DNAH12: variants seen among roughly 807,000 people sequenced by gnomAD.
DNAH12 encodes dynein axonemal heavy chain 12, also known as axonemal beta dynein heavy chain 12.
A neutral mutation model predicts 371.5 loss-of-function variants in DNAH12; 285 were observed. That is an observed-to-expected ratio of 0.77 (90% CI 0.70 to 0.85). The LOEUF (loss-of-function observed/expected upper bound fraction) is 0.85. Ranked by LOEUF, DNAH12 falls within the 40% of genes least tolerant of loss-of-function variation. The pLI is 0.00. For synonymous variants in DNAH12, 1,200 were observed against 1,213.0 expected (o/e 0.99, Z 0.22); for missense variants, 3,611 against 3,689.4 (o/e 0.98, Z 0.55).
chr3:57,463,958 A>C (rs1307295869), intron 17 of DNAH12, among the ~76,000 whole-genome samples: 1 of 150,660 alleles, frequency 6.6e-6, no homozygotes, highest in Non-Finnish European at 1.5e-5. Context: ...AAGTGAAAAA[A>C]CTCCAAGCAG....
Position 57,361,411 on chromosome 3 carries a change from TACACACACACTATATATATATAC to T in DNAH12, c.9360+2160_9360+2182del, listed in dbSNP as rs1242492608. Among the ~76,000 whole-genome samples, 26 of 139,978 alleles carry T rather than the reference TACACACACACTATATATATATAC, an allele frequency of 1.9e-4. No individual in the cohort carries two copies. The South Asian group carries it at 4.0e-3, about 21-fold the overall frequency. The allele number at this position is 139,978 out of a possible 152,430, so 91.8% of individuals were successfully genotyped here. Reference sequence around the variant, plus strand: ...TATATACATACGCACTATATATATATACACACACACTATATATATATACACACACACACTATATATATATATAT... The same window carrying T: ...TATATACATACGCACTATATATATATACACACACACTATATATATATATAT... On this transcript the variant is annotated intron_variant, in intron 58 of 73. Coordinates refer to ENST00000495027, the MANE Select transcript of DNAH12 (RefSeq NM_001366028.2).
intron 58 of DNAH12, among the ~76,000 whole-genome samples, chr3:57,363,282 CAAT>C (rs36167668): frequency 0.01 from 1,577 of 152,084 alleles, 16 homozygotes; most frequent in African/African-American, 0.036. Flanking sequence ...CTTACCTATC[CAAT>C]AATAATACCT....
intron 19 of DNAH12, 122 bp from the exon 20 acceptor site, chr3:57,459,908 AG>A (rs2066007697): frequency 1.1e-6 from 1 of 884,696 alleles, no homozygotes. Context: ...TCACAGCTTA[AG>A]GTTACTTATG....
At chr3:57,388,785 T>C (rs912855369) in intron 45 of DNAH12, among the ~76,000 whole-genome samples, 2 of 152,004 alleles carry the variant, frequency 1.3e-5, no homozygotes, top group South Asian at 4.2e-4. Context: ...ACCATCATTC[T>C]CAGCAAACTA....
intron 62 of DNAH12, among the ~76,000 whole-genome samples, chr3:57,327,336 G>C (rs911184474): frequency 1.6e-4 from 24 of 151,440 alleles, no homozygotes; most frequent in Non-Finnish European, 3.4e-4. Context: ...AAATGTAAAA[G>C]AACAGAAATT....
chr3:57,456,456 T>A (rs1288973224), intron 22 of DNAH12, among the ~76,000 whole-genome samples: 4 of 152,312 alleles, frequency 2.6e-5, no homozygotes, highest in African/African-American at 9.6e-5. Context: ...ATATACGTGT[T>A]TATCATTCAA....
intron 43 of DNAH12, among the ~76,000 whole-genome samples, chr3:57,398,484 C>A (rs1176682608): frequency 2.6e-5 from 4 of 152,134 alleles, no homozygotes; most frequent in Non-Finnish European, 4.4e-5. Flanking sequence ...TAGAAATCCA[C>A]ATTAAGAAAC....
intron 11 of DNAH12, among the ~76,000 whole-genome samples, chr3:57,493,178 T>C (rs2067191044): frequency 2.0e-5 from 3 of 152,188 alleles, no homozygotes; most frequent in African/African-American, 4.8e-5. Context: ...TTGAGATATA[T>C]GGTAAAATAC....
At chr3:57,447,083 T>C (rs1025396314) in intron 25 of DNAH12, among the ~76,000 whole-genome samples, 4 of 152,192 alleles carry the variant, frequency 2.6e-5, no homozygotes, top group African/African-American at 4.8e-5. Context: ...GAGCTATAAA[T>C]GGCACCCATG....
chr3:57,434,702 A>C (rs1292508638), intron 30 of DNAH12, among the ~76,000 whole-genome samples: 1 of 152,244 alleles, frequency 6.6e-6, no homozygotes, highest in African/African-American at 2.4e-5. Flanking sequence ...TCATGCAATG[A>C]ATGATGAAAC....
chr3:57,484,215 T>A (rs142933856), intron 12 of DNAH12, among the ~76,000 whole-genome samples: 2 of 152,022 alleles, frequency 1.3e-5, no homozygotes, highest in African/African-American at 4.8e-5. Flanking sequence ...ATTAGTTTTA[T>A]TATTATTAGT....
At chr3:57,310,566 C>T in intron 67 of DNAH12, 151 bp downstream of exon 67, 1 of 667,856 alleles carries the variant, frequency 1.5e-6, no homozygotes, top group Non-Finnish European at 2.5e-6. Context: ...TCAAACTTTT[C>T]TAATTTTCAG....
Position 57,413,755 on chromosome 3 carries a change from C to A in DNAH12, c.6011G>T (p.Cys2004Phe). 1 of 1,550,126 alleles carries A rather than the reference C, an allele frequency of 6.5e-7. No homozygotes were observed. The highest frequency in any genetic ancestry group is 1.4e-5 in the African/African-American group (1 of 73,100). Residue 2004 changes from cysteine (C) to phenylalanine (F), a missense_variant, in exon 39 of 74, where the codon TGT becomes TTT. By Grantham distance (205) the Cys-to-Phe change is radical (BLOSUM62 -2). Transcript: ENST00000495027. Reference sequence around the variant, plus strand: ...CGAATTAAATAGTTACCAATGTCCACAGTCAAAAAACTGTCGTAATAATTC... The same window carrying A: ...CGAATTAAATAGTTACCAATGTCCAAAGTCAAAAAACTGTCGTAATAATTC... ...PIELLRQFFD[C>F]GHWYDLKDTS... is the part of the protein sequence containing the mutation.
intron 55 of DNAH12, among the ~76,000 whole-genome samples, chr3:57,372,973 A>G (rs1575516216): frequency 1.3e-5 from 2 of 152,354 alleles, no homozygotes; most frequent in East Asian, 3.9e-4. Flanking sequence ...GGGACAAAAC[A>G]GTGAGGAAAT....
At chr3:57,472,428 T>A in intron 14 of DNAH12, 118 bp downstream of exon 14, 3 of 1,301,086 alleles carry the variant, frequency 2.3e-6, no homozygotes, top group Non-Finnish European at 3.1e-6. Context: ...AGTCTCAAAC[T>A]CATATTGACA....
chr3:57,525,714 A>G (rs2153398768), intron 2 of DNAH12, among the ~76,000 whole-genome samples: 2 of 139,914 alleles, frequency 1.4e-5, no homozygotes, highest in South Asian at 4.7e-4. Context: ...AATTATTTTT[A>G]TTATAGTTAC....
chr3:57,404,844 T>G (rs2063976959), intron 42 of DNAH12, 125 bp downstream of exon 42: 4 of 844,174 alleles, frequency 4.7e-6, no homozygotes, highest in Non-Finnish European at 6.7e-6. Context: ...TTTTATGTTT[T>G]ATGCTGGATA....
intron 34 of DNAH12, among the ~76,000 whole-genome samples, chr3:57,427,822 T>C (rs576040019): frequency 2.4e-4 from 37 of 152,258 alleles, no homozygotes; most frequent in African/African-American, 8.2e-4. Context: ...GAGTCTCCCT[T>C]AGAGCTTCCA....
At chr3:57,337,296 C>T (rs1311076898) in intron 60 of DNAH12, among the ~76,000 whole-genome samples, 8 of 151,892 alleles carry the variant, frequency 5.3e-5, no homozygotes. Context: ...CTGCTTGAGC[C>T]CAGGAGCTCC....
Sources: allele counts gnomAD v4.1 joint callset (sites outside exome capture counted in the v4.1 genomes callset), GRCh38; gene constraint gnomAD v4.1.1; transcripts MANE v1.5; gene names NCBI Gene and HGNC (gene_info 2026-07-23, HGNC 2026-07-21).